PLCG2: variants seen among roughly 807,000 people sequenced by gnomAD.
PLCG2 encodes 1-phosphatidylinositol 4,5-bisphosphate phosphodiesterase gamma-2.
A neutral mutation model predicts 175.6 loss-of-function variants in PLCG2; 69 were observed. The observed-to-expected ratio is 0.39, with a 90% CI of 0.32 to 0.48. PLCG2 has a LOEUF of 0.48. Among genes scored for constraint, PLCG2 ranks in the 20% least tolerant of loss-of-function variants. The pLI is 0.91. For missense variants in PLCG2, 1,798 were observed against 1,650.9 expected (o/e 1.09, Z -1.54); for synonymous variants, 827 against 624.0 (o/e 1.33, Z -4.85).
In PLCG2 at chr16:81,923,496, C is replaced by T. The variant is rs375781279; in HGVS notation, c.2319C>T (p.Thr773=). Residue 773 remains threonine (T), a synonymous_variant, in exon 22 of 33, where the codon ACC becomes ACT. Transcript: ENST00000564138. The part of the protein sequence containing the change: ...SEINPSMPQR[T]VKALYDYKAK... ...GTTTTCCCTGAAAGCCTCAGAGAACCGTGAAAGCTCTGTATGACTACAAAG... is the reference window on the plus strand; with the variant it reads ...GTTTTCCCTGAAAGCCTCAGAGAACTGTGAAAGCTCTGTATGACTACAAAG... 2.5e-5 allele frequency: 41 copies of T among 1,610,424 alleles called. No individual in the cohort carries two copies. The East Asian group carries it at 5.8e-4, about 23-fold the overall frequency.
Position 81,959,453 on chromosome 16 carries a change from T to C in PLCG2, c.*1455T>C. On this transcript the variant is annotated 3_prime_UTR_variant, in exon 33 of 33. Coordinates refer to ENST00000564138, the MANE Select transcript of PLCG2 (RefSeq NM_002661.5). Reference sequence around the variant, plus strand: ...CAGTGCCAAGATTTGGGGGTGTGGATGTTTAAACAAAAAGCTGTGGGTCTC... The same window carrying C: ...CAGTGCCAAGATTTGGGGGTGTGGACGTTTAAACAAAAAGCTGTGGGTCTC... 4.6e-6 allele frequency: 1 copy of C among 218,674 alleles called. No individual in the cohort carries two copies. Among genetic ancestry groups the C allele is most frequent in the East Asian group, 6.7e-5 (1 of 14,886 alleles). The allele number at this position is 218,674 out of a possible 1,614,324, so 13.5% of individuals were successfully genotyped here.
upstream of PLCG2, among the ~76,000 whole-genome samples, chr16:81,778,895 A>G (rs1277311658): frequency 6.6e-6 from 1 of 152,204 alleles, no homozygotes; most frequent in Non-Finnish European, 1.5e-5. Context: ...TCTCGAGCTC[A>G]GACGATCCTC....
intron 7 of PLCG2, among the ~76,000 whole-genome samples, chr16:81,873,162 A>C (rs1022246111): frequency 6.6e-6 from 1 of 152,228 alleles, no homozygotes; most frequent in Admixed American, 6.5e-5. Flanking sequence ...TTCTAGACCC[A>C]CTTGACCTCT....
upstream of PLCG2, among the ~76,000 whole-genome samples, chr16:81,778,162 G>C (rs1910537192): frequency 6.6e-6 from 1 of 152,104 alleles, no homozygotes; most frequent in Non-Finnish European, 1.5e-5. Context: ...GATTGCTTGA[G>C]GTCAGGAGTT....
intron 14 of PLCG2, among the ~76,000 whole-genome samples, chr16:81,901,308 T>C (rs1246733600): frequency 6.6e-6 from 1 of 152,232 alleles, no homozygotes; most frequent in Non-Finnish European, 1.5e-5. Context: ...TGGGTGATTA[T>C]ATCTGTGCCT....
chr16:81,856,230 G>A (rs1352942837), intron 3 of PLCG2, among the ~76,000 whole-genome samples: 2 of 152,154 alleles, frequency 1.3e-5, no homozygotes, highest in Non-Finnish European at 2.9e-5. Flanking sequence ...TCTCTGCCAT[G>A]GGTGTACGGA....
intron 11 of PLCG2, 115 bp from the exon 12 acceptor site, chr16:81,893,594 C>G (rs1232102755): frequency 4.3e-6 from 3 of 695,520 alleles, no homozygotes; most frequent in Non-Finnish European, 7.7e-6. Flanking sequence ...TGGAAGAACT[C>G]AGAGCTTTGG....
At chr16:81,871,494 ACGC>A in intron 7 of PLCG2, among the ~76,000 whole-genome samples, 1 of 151,914 alleles carries the variant, frequency 6.6e-6, no homozygotes. Flanking sequence ...GTGCGCCACC[ACGC>A]CCAGCTAATT....
intron 31 of PLCG2, among the ~76,000 whole-genome samples, chr16:81,951,353 C>T (rs1037378866): frequency 6.6e-6 from 1 of 151,996 alleles, no homozygotes; most frequent in African/African-American, 2.4e-5. Context: ...GAGACTGAAC[C>T]CCAAATAATA....
intron 2 of PLCG2, among the ~76,000 whole-genome samples, chr16:81,812,768 T>G (rs1739151010): frequency 6.6e-6 from 1 of 152,208 alleles, no homozygotes; most frequent in South Asian, 2.1e-4. Context: ...TCCTGAATGG[T>G]ATTGCCTAGG....
chr16:81,775,852 C>G (rs941319399), upstream of PLCG2, among the ~76,000 whole-genome samples: 3 of 152,030 alleles, frequency 2.0e-5, no homozygotes, highest in African/African-American at 7.2e-5. Context: ...ATTTGTGCAT[C>G]TATGTAGAGT....
At chr16:81,825,591 A>C (rs751602081) in intron 2 of PLCG2, among the ~76,000 whole-genome samples, 9 of 152,170 alleles carry the variant, frequency 5.9e-5, no homozygotes, top group Non-Finnish European at 1.0e-4. Flanking sequence ...CACCGCGCCC[A>C]GCCCGAGATG....
intron 7 of PLCG2, among the ~76,000 whole-genome samples, chr16:81,875,429 C>T (rs2143547885): frequency 6.6e-6 from 1 of 152,290 alleles, no homozygotes; most frequent in South Asian, 2.1e-4. Flanking sequence ...ATTTGATTTT[C>T]TGCCCAACTT....
intron 30 of PLCG2, among the ~76,000 whole-genome samples, chr16:81,944,270 G>A (rs981508812): frequency 2.6e-5 from 4 of 152,054 alleles, no homozygotes; most frequent in African/African-American, 9.7e-5. Flanking sequence ...CTGGATCTGT[G>A]GACTCAACCA....
chr16:81,904,889 C>T (rs186237721), intron 14 of PLCG2, among the ~76,000 whole-genome samples: 18 of 152,068 alleles, frequency 1.2e-4, no homozygotes, highest in African/African-American at 4.3e-4. Flanking sequence ...GCTATTTTTA[C>T]TTATTTATTT....
intron 5 of PLCG2, chr16:81,859,389 C>G: frequency 2.0e-6 from 1 of 505,552 alleles, no homozygotes; most frequent in Non-Finnish European, 3.5e-6. Flanking sequence ...CAGAGATGAT[C>G]TCTGCCATGG....
intron 1 of PLCG2, among the ~76,000 whole-genome samples, chr16:81,753,486 T>C (rs114036977): frequency 6.6e-6 from 1 of 152,056 alleles, no homozygotes; most frequent in South Asian, 2.1e-4. Flanking sequence ...TAGTTGTATC[T>C]TGGCTCACTG....
chr16:81,759,080 C>T lies in PLCG2; in HGVS notation c.-48+3114C>T, dbSNP rs573643960. ...AGGAAGTATCTTTACGTGTTATTAT[C>T]AGTCATTTGTATATTTTCTTTGAAG... On this transcript the variant is annotated intron_variant, in intron 2 of 5. Coordinates refer to the PLCG2 transcript ENST00000565054. Among the ~76,000 whole-genome samples, 29 of 152,174 alleles carry T rather than the reference C, an allele frequency of 1.9e-4. 1 individual carries two copies. Among genetic ancestry groups the T allele is most frequent in the South Asian group, 6.2e-4 (3 of 4,830 alleles).
intron 24 of PLCG2, 187 bp downstream of exon 24, chr16:81,928,811 T>A: frequency 1.8e-6 from 1 of 544,422 alleles, no homozygotes; most frequent in East Asian, 2.8e-5. Flanking sequence ...GCTATTAATC[T>A]CTACTAAAAC....
Sources: gnomAD v4.1 joint callset for allele counts (sites outside exome capture counted in the v4.1 genomes callset) on GRCh38, gnomAD v4.1.1 for gene constraint, MANE v1.5 for transcripts, NCBI Gene and HGNC (gene_info 2026-07-23, HGNC 2026-07-21) for gene names.